Variants in NLRP5 observed in about 807,000 individuals in gnomAD.
NLRP5 encodes NLR family pyrin domain containing 5, also known as NACHT, LRR and PYD domains-containing protein 5.
A neutral mutation model predicts 113.1 loss-of-function variants in NLRP5; 93 were observed. That is an observed-to-expected ratio of 0.82 (90% confidence interval 0.70 to 0.98). The LOEUF is 0.98. Among genes scored for constraint, NLRP5 ranks in the 50% least tolerant of loss-of-function variants. The probability of loss-of-function intolerance (pLI) is 0.00; values close to 1 mark genes in which losing one functional copy is unlikely to be tolerated. For synonymous variants in NLRP5, 751 were observed against 600.7 expected, an observed-to-expected ratio of 1.25 and a Z score of -3.66; for missense variants, 1,808 against 1,514.3, an observed-to-expected ratio of 1.19 and a Z score of -3.22.
Position 56,008,806 on chromosome 19 carries a change from C to T in NLRP5, c.461C>T (p.Pro154Leu), listed in dbSNP as rs780262391. The change falls in exon 3 of 15, where the codon CCT (proline) becomes CTT (leucine). Residue 154 changes from proline (P) to leucine (L), a missense_variant. By Grantham distance (98) the Pro-to-Leu change is moderately conservative. Coordinates refer to ENST00000390649, the MANE Select transcript of NLRP5 (RefSeq NM_153447.4). ...CTTCCAGGACATTCACCAGAAGATC[C>T]TGAAGCAACGATGACTGACCAAGGA... 14 of 1,611,524 alleles carry T rather than the reference C, an allele frequency of 8.7e-6. No homozygotes were observed. The highest frequency in any genetic ancestry group is 1.1e-5 in the Non-Finnish European group (13 of 1,178,860).
At chr19:56,009,694 A>AT (rs1198806713) in intron 3 of NLRP5, among the ~76,000 whole-genome samples, 2 of 152,318 alleles carry the variant, frequency 1.3e-5, no homozygotes, top group East Asian at 3.9e-4. Flanking sequence ...GGCAGGCTGC[A>AT]TAGACACCAT....
At chr19:55,987,249 A>G in the NLRP5 span, among the ~76,000 whole-genome samples, 1 of 152,320 alleles carries the variant, frequency 6.6e-6, no homozygotes, top group African/African-American at 2.4e-5. Context: ...ATGTGCCTAT[A>G]ATCCCACCTT....
intron 3 of NLRP5, among the ~76,000 whole-genome samples, chr19:56,012,900 CT>C (rs11410594): frequency 6.6e-6 from 1 of 152,052 alleles, no homozygotes; most frequent in Non-Finnish European, 1.5e-5. Context: ...ACTTTCCTTG[CT>C]TTTTTAAAGT....
chr19:55,999,503 G>A (rs543784774), upstream of NLRP5, among the ~76,000 whole-genome samples: 5 of 152,088 alleles, frequency 3.3e-5, no homozygotes, highest in East Asian at 1.9e-4. Flanking sequence ...CTTGTGTACC[G>A]TGACATACTC....
intron 6 of NLRP5, among the ~76,000 whole-genome samples, chr19:56,021,541 G>A (rs10401127): frequency 1.1e-4 from 17 of 152,022 alleles, no homozygotes; most frequent in South Asian, 8.3e-4. Context: ...TAAACTCTCC[G>A]ATTCCAGATC....
Position 56,038,018 on chromosome 19 carries a change from T to G in NLRP5, c.2616-7T>G, listed in dbSNP as rs1353303874. 6.2e-7 allele frequency: 1 copy of G among 1,613,814 alleles called. No homozygotes were observed. The highest frequency in any genetic ancestry group is 1.1e-5 in the South Asian group (1 of 91,078). ...CTGGGATTGCTTCATGCTGCCTGTC[T>G]CTGCAGGCTGGATTGCTGTGGATTG... is the stretch of plus-strand genomic sequence containing the variant. On this transcript the variant is annotated splice_region_variant and splice_polypyrimidine_tract_variant and intron_variant, in intron 9 of 14. Coordinates refer to ENST00000390649, the MANE Select transcript of NLRP5 (RefSeq NM_153447.4).
At chr19:56,014,720 A>G (rs1478948862) in intron 3 of NLRP5, among the ~76,000 whole-genome samples, 2 of 152,186 alleles carry the variant, frequency 1.3e-5, no homozygotes, top group East Asian at 3.8e-4. Flanking sequence ...CTTGTCTAAA[A>G]TCACAGATGT....
chr19:56,027,338 T>G lies in NLRP5; in HGVS notation c.1105T>G (p.Ser369Ala), dbSNP rs1444046913. The G allele has an allele frequency of 6.2e-7, 1 of 1,612,970 alleles. No individual in the cohort carries two copies. Among genetic ancestry groups the G allele is most frequent in the Non-Finnish European group, 8.5e-7 (1 of 1,179,868 alleles). ...CATTGACGGTTTCGATGACCTGGGC[T>G]CTGTCCTCAACAATGACACAAAGCT... Residue 369 changes from serine to alanine, a missense_variant, in exon 7 of 15, where the codon TCT (serine) becomes GCT (alanine). Coordinates refer to ENST00000390649, the MANE Select transcript of NLRP5 (RefSeq NM_153447.4).
At position 56,028,440 on chromosome 19, in the gene NLRP5, T is replaced by G. The variant is rs1201799870; in HGVS notation, c.2207T>G (p.Ile736Ser). ...CAGCACTGTCCGTATTTGCGGAAAA[T>G]TCGGGTGGATGTCAAAGGGATCTTC... The change falls in exon 7 of 15, where the codon ATT becomes AGT. Residue 736 changes from isoleucine to serine, a missense_variant. Coordinates refer to ENST00000390649, the MANE Select transcript of NLRP5 (RefSeq NM_153447.4). The G allele has an allele frequency of 2.5e-6, 4 of 1,613,860 alleles. No homozygotes were observed.
At chr19:56,037,819 A>G (rs542068306) in intron 9 of NLRP5, among the ~76,000 whole-genome samples, 6 of 152,166 alleles carry the variant, frequency 3.9e-5, no homozygotes, top group Non-Finnish European at 8.8e-5. Context: ...AAGAGACATG[A>G]AAGGACGTGA....
chr19:56,044,156 C>G (rs1429435223), intron 11 of NLRP5, among the ~76,000 whole-genome samples: 2 of 151,786 alleles, frequency 1.3e-5, no homozygotes, highest in African/African-American at 4.8e-5. Context: ...CTCCACCTCC[C>G]AGGTTCAAGT....
chr19:56,029,592 A>G (rs1231680510), intron 7 of NLRP5, among the ~76,000 whole-genome samples: 1 of 152,148 alleles, frequency 6.6e-6, no homozygotes, highest in Non-Finnish European at 1.5e-5. Context: ...AGTCACACAT[A>G]GCTGATGCTT....
intron 14 of NLRP5, among the ~76,000 whole-genome samples, chr19:56,058,893 A>C (rs563331040): frequency 6.6e-6 from 1 of 152,286 alleles, no homozygotes; most frequent in Non-Finnish European, 1.5e-5. Context: ...CAGTCTCAAA[A>C]AGAAAATTCT....
chr19:56,017,972 A>G (rs190981449), intron 4 of NLRP5, among the ~76,000 whole-genome samples: 1 of 152,078 alleles, frequency 6.6e-6, no homozygotes, highest in East Asian at 1.9e-4. Flanking sequence ...TATTTTCTCC[A>G]CCATATATCT....
intron 13 of NLRP5, among the ~76,000 whole-genome samples, chr19:56,055,774 T>A (rs943339073): frequency 6.6e-6 from 1 of 151,682 alleles, no homozygotes; most frequent in Non-Finnish European, 1.5e-5. Context: ...CTCAATCTCC[T>A]GACCTCATGA....
Position 56,032,620 on chromosome 19 carries a change from T to C in NLRP5, c.2286T>C (p.Asp762=), listed in dbSNP as rs750112277. 1 of 1,613,104 alleles carries C rather than the reference T, an allele frequency of 6.2e-7. No homozygotes were observed. The highest frequency in any genetic ancestry group is 8.5e-7 in the Non-Finnish European group (1 of 1,179,564). The stretch of plus-strand genomic sequence containing the variant: ...ATCCCCCCTGACATAGGATGCGGGA[T>C]AAGACCCTCATTGAGGAGCAGTGGG... The change falls in exon 8 of 15, where the codon GAT becomes GAC. Residue 762 remains aspartate, a synonymous_variant. Coordinates refer to ENST00000390649, the MANE Select transcript of NLRP5 (RefSeq NM_153447.4).
intron 7 of NLRP5, among the ~76,000 whole-genome samples, chr19:56,030,714 C>CTTCTTCTTTTTTTTTTTTTTTTTTT (rs1555767859): frequency 1.4e-5 from 1 of 71,350 alleles, no homozygotes; most frequent in African/African-American, 7.2e-5. Context: ...CTTTCTTCTT[C>CTTCTTCTTTTTTTTTTTTTTTTTTT]TTTTTTTTTT....
intron 13 of NLRP5, among the ~76,000 whole-genome samples, chr19:56,057,075 G>A (rs370741443): frequency 2.0e-5 from 3 of 152,252 alleles, no homozygotes; most frequent in Non-Finnish European, 2.9e-5. Flanking sequence ...GGTGGAGGTC[G>A]CAGTGAGTCG....
upstream of NLRP5, among the ~76,000 whole-genome samples, chr19:55,998,198 A>G (rs1310814336): frequency 6.6e-6 from 1 of 152,056 alleles, no homozygotes; most frequent in Non-Finnish European, 1.5e-5. Flanking sequence ...CTAAAATTAT[A>G]AAAATATAAG....
Sources: allele counts gnomAD v4.1 joint callset (sites outside exome capture counted in the v4.1 genomes callset), GRCh38; gene constraint gnomAD v4.1.1; transcripts MANE v1.5; gene names NCBI Gene and HGNC (gene_info 2026-07-23, HGNC 2026-07-21).